Variants in KMT2B observed in about 807,000 individuals in gnomAD.
KMT2B encodes the protein lysine methyltransferase 2B.
In KMT2B, 22 loss-of-function variants were observed where a neutral mutation model predicts 255.3. That is an observed-to-expected ratio of 0.09 (90% confidence interval 0.06 to 0.12). The LOEUF is 0.12. Among genes scored for constraint, KMT2B ranks in the 10% least tolerant of loss-of-function variants. The pLI, the probability that KMT2B is intolerant of heterozygous loss-of-function variation, is 1.00. For missense variants in KMT2B, 3,149 were observed against 3,737.0 expected, an observed-to-expected ratio of 0.84 and a Z score of 4.10; for synonymous variants, 1,730 against 1,498.1, an observed-to-expected ratio of 1.15 and a Z score of -3.57.
intron 30 of KMT2B, among the ~76,000 whole-genome samples, chr19:35,734,783 G>A (rs1969854751): frequency 6.6e-6 from 1 of 152,184 alleles, no homozygotes; most frequent in Non-Finnish European, 1.5e-5. Context: ...TAAGCTGGTG[G>A]TCGAGCAGCC....
chr19:35,724,083 C>T, intron 8 of KMT2B, 76 bp downstream of exon 8: 7 of 1,383,758 alleles, frequency 5.1e-6, no homozygotes, highest in Non-Finnish European at 6.8e-6. Context: ...GACAAGGCAC[C>T]CAGACCCAGG....
rs1253999829 is a variant in KMT2B at position 35,733,464 on chromosome 19, G to A, written c.6915G>A (p.Glu2305=). Residue 2305 remains glutamate (E), a synonymous_variant, in exon 28 of 37, where the codon GAG becomes GAA. Transcript: ENST00000420124. The surrounding 1 kb of genome is among the most constrained non-coding windows in gnomAD (Gnocchi z 4.3). ...CCCCCCGGCTGGATGAAGATGGAGA[G>A]GCCTCAGAGGATACCCCTCAGGTTC... is the stretch of plus-strand genomic sequence containing the variant. The part of the protein sequence containing the change: ...YKAPRLDEDG[E]ASEDTPQVPG... 3.8e-6 allele frequency: 6 copies of A among 1,562,926 alleles called. No individual in the cohort carries two copies. Among genetic ancestry groups the A allele is most frequent in the Middle Eastern group, 1.7e-4 (1 of 6,008 alleles).
rs1969545521 is a variant in KMT2B at position 35,728,183 on chromosome 19, T to TG, written c.4571+15dup. The stretch of plus-strand genomic sequence containing the variant: ...ACCCGGCTGCCAAAGTGAGCAAGGC[T>TG]GGGTAGCAGAAGGGAAGCCGGGGAG... On this transcript the variant is annotated intron_variant, in intron 19 of 36. Transcript: ENST00000420124. 1.9e-6 allele frequency: 3 copies of TG among 1,578,982 alleles called. No individual in the cohort carries two copies. The highest frequency in any genetic ancestry group is 2.7e-5 in the African/African-American group (2 of 74,028).
intron 30 of KMT2B, chr19:35,736,180 G>C (rs959750976): frequency 6.5e-6 from 1 of 154,302 alleles, no homozygotes; most frequent in Non-Finnish European, 1.4e-5. Flanking sequence ...GAATCTGAGA[G>C]GCACAGGTTG....
rs916893109 is a variant in KMT2B at position 35,733,101 on chromosome 19, C to A, written c.6552C>A (p.Pro2184=). ...VLSLGPAPEP[P]KPATSKIILV... is the part of the protein sequence containing the mutation. ...GCCTTGGCCCTGCCCCTGAGCCCCCCAAACCCGCCACATCCAAAATCATAC... is the reference window on the plus strand; with the variant it reads ...GCCTTGGCCCTGCCCCTGAGCCCCCAAAACCCGCCACATCCAAAATCATAC... Residue 2184 remains proline (P), a synonymous_variant, in exon 28 of 37, where the codon CCC becomes CCA. Coordinates refer to ENST00000420124, the MANE Select transcript of KMT2B (RefSeq NM_014727.3). The surrounding 1 kb of genome is among the most constrained non-coding windows in gnomAD (Gnocchi z 4.3). 4 of 1,565,064 alleles carry A rather than the reference C, an allele frequency of 2.6e-6. No homozygotes were observed. In the East Asian group the frequency reaches 9.6e-5, roughly 37 times the overall value.
chr19:35,721,942 C>A, intron 3 of KMT2B, 138 bp downstream of exon 3: 1 of 1,206,040 alleles, frequency 8.3e-7, no homozygotes, highest in South Asian at 1.7e-5. Flanking sequence ...TGATCCCCCA[C>A]CTTCCTTTGT....
rs1055113734 is a variant in KMT2B at position 35,723,522 on chromosome 19, A to G, written c.3058+20A>G. The stretch of plus-strand genomic sequence containing the variant: ...AAAAAGGTGACGAGCTTTAAGGAGC[A>G]TTTCTTCTCAAAACCGTGTTAGAGT... On this transcript the variant is annotated intron_variant, in intron 7 of 36. Coordinates refer to ENST00000420124, the MANE Select transcript of KMT2B (RefSeq NM_014727.3). This position sits in a 1 kb window ranked among gnomAD's most constrained non-coding sequence, Gnocchi z 7.5. 5.8e-6 allele frequency: 9 copies of G among 1,555,788 alleles called. No individual in the cohort carries two copies. Among genetic ancestry groups the G allele is most frequent in the Admixed American group, 2.0e-5 (1 of 50,714 alleles).
rs368981212 is a variant in KMT2B, at chr19:35,732,770, C to T, written c.6221C>T (p.Ala2074Val). 3.7e-6 allele frequency: 6 copies of T among 1,608,796 alleles called. No homozygotes were observed. The African/African-American group carries it at 6.7e-5, about 18-fold the overall frequency. Residue 2074 changes from alanine (A) to valine (V), a missense_variant, in exon 28 of 37, where the codon GCG becomes GTG. Physicochemically the swap from Ala to Val is moderately conservative, Grantham distance 64 (BLOSUM62 0). Around this residue, in one of 18 missense-constraint regions of KMT2B, gnomAD observed 897 missense variants for 825.3 expected, o/e 1.09. Coordinates refer to ENST00000420124, the MANE Select transcript of KMT2B (RefSeq NM_014727.3). The stretch of plus-strand genomic sequence containing the variant: ...GACGGCACTGACAGTGAGGCTGAGG[C>T]GGTGCAGCAGCCTCGGGGCCAGGGC... ...VDDGTDSEAE[A>V]VQQPRGQGTP...
At position 35,737,301 on chromosome 19, in the gene KMT2B, C is replaced by T. The variant is rs899622217; in HGVS notation, c.7550+38C>T. The T allele has an allele frequency of 6.9e-7, 1 of 1,459,728 alleles. No homozygotes were observed. The highest frequency in any genetic ancestry group is 9.0e-7 in the Non-Finnish European group (1 of 1,106,934). 90.4% of individuals were successfully genotyped at this position (1,459,728 alleles called of 1,614,324 possible). A position where few individuals can be genotyped will look rare whatever the true frequency, so the allele number is the denominator to read the frequency against. ...GGGTGTGATGCCTGGGTCAGGGCGC[C>T]CCTATGAGAGCTCTTGAGGGTGGGA... On this transcript the variant is annotated intron_variant, in intron 33 of 36. Transcript: ENST00000420124. This position sits in a 1 kb window ranked among gnomAD's most constrained non-coding sequence, Gnocchi z 5.3.
Position 35,728,899 on chromosome 19 carries a change from A to G in KMT2B, c.4687+10A>G, listed in dbSNP as rs2293684. 2.2e-5 allele frequency: 35 copies of G among 1,613,052 alleles called. No homozygotes were observed. In the East Asian group the frequency reaches 7.4e-4, roughly 34 times the overall value. On this transcript the variant is annotated intron_variant, in intron 20 of 36. Transcript: ENST00000420124. ...GGGGATCCCTCAGCAGGTACTGGGA[A>G]GTGGGGGTCCAGAAGCCAGGGCCCT...
In KMT2B at chr19:35,731,506, A is replaced by G. The variant is rs548134418; in HGVS notation, c.5438-402A>G. Among the ~76,000 whole-genome samples the G allele has an allele frequency of 5.9e-5, 9 of 152,218 alleles. No individual in the cohort carries two copies. In the South Asian group the frequency reaches 1.9e-3, roughly 32 times the overall value. On this transcript the variant is annotated intron_variant, in intron 26 of 36. Coordinates refer to ENST00000420124, the MANE Select transcript of KMT2B (RefSeq NM_014727.3). ...GAGTTTTGGGTGGAGGAGGGAGATC[A>G]GTTTGCAGAGGTTGGGTGGAGCCAG...
Position 35,720,476 on chromosome 19 carries a change from G to A in KMT2B, c.1129G>A (p.Glu377Lys). 1 of 1,543,930 alleles carries A rather than the reference G, an allele frequency of 6.5e-7. No homozygotes were observed. Among genetic ancestry groups the A allele is most frequent in the East Asian group, 2.4e-5 (1 of 40,918 alleles). ...EKKEEEEKDK[E>K]GEEKEERAVA... The stretch of plus-strand genomic sequence containing the variant: ...GAAAGAAGAAGAAGAAAAAGACAAG[G>A]AGGGAGAAGAGAAGGAAGAAAGAGC... The change falls in exon 3 of 37, where the codon GAG becomes AAG. Residue 377 changes from glutamate (E) to lysine (K), a missense_variant. Coordinates refer to ENST00000420124, the MANE Select transcript of KMT2B (RefSeq NM_014727.3).
chr19:35,720,427 G>C lies in KMT2B; in HGVS notation c.1080G>C (p.Lys360Asn). The C allele has an allele frequency of 6.4e-7, 1 of 1,558,792 alleles. No homozygotes were observed. Among genetic ancestry groups the C allele is most frequent in the South Asian group, 1.2e-5 (1 of 84,694 alleles). Residue 360 changes from lysine to asparagine, a missense_variant, in exon 3 of 37, where the codon AAG becomes AAC. By Grantham distance (94) the Lys-to-Asn change is moderately conservative. Transcript: ENST00000420124. ...CTTGCTGGAAAAAGCAGGAACAGAA[G>C]CTGGATGACGAGGAAGAAGAGAAGA... ...GSPCWKKQEQKLDDEEEEKKE... is the reference protein window; with the variant it reads ...GSPCWKKQEQNLDDEEEEKKE...
In KMT2B at chr19:35,721,263, C is replaced by T. The variant is rs865886514; in HGVS notation, c.1916C>T (p.Thr639Ile). 1.8e-5 allele frequency: 27 copies of T among 1,535,116 alleles called. No homozygotes were observed. Among genetic ancestry groups the T allele is most frequent in the Non-Finnish European group, 2.3e-5 (26 of 1,142,096 alleles). ...PAPSPPPAPA[T>I]SSRRPLLLRA... ...CCCTCCCCACCCCCTGCTCCTGCCACCTCCTCCCGGAGGCCCCTACTCCTT... is the reference window on the plus strand; with the variant it reads ...CCCTCCCCACCCCCTGCTCCTGCCATCTCCTCCCGGAGGCCCCTACTCCTT... The change falls in exon 3 of 37, where the codon ACC becomes ATC. Residue 639 changes from threonine (T) to isoleucine (I), a missense_variant. Coordinates refer to ENST00000420124, the MANE Select transcript of KMT2B (RefSeq NM_014727.3).
Position 35,733,096 on chromosome 19 carries a change from C to T in KMT2B, c.6547C>T (p.Pro2183Ser), listed in dbSNP as rs765701408. Residue 2183 changes from proline to serine, a missense_variant, in exon 28 of 37, where the codon CCC becomes TCC. Transcript: ENST00000420124. The surrounding 1 kb of genome is among the most constrained non-coding windows in gnomAD (Gnocchi z 4.3). ...GTTAAGCCTTGGCCCTGCCCCTGAG[C>T]CCCCCAAACCCGCCACATCCAAAAT... ...RVLSLGPAPE[P>S]PKPATSKIIL... 4.5e-6 allele frequency: 7 copies of T among 1,566,576 alleles called. No individual in the cohort carries two copies. In the Admixed American group the frequency reaches 5.6e-5, roughly 13 times the overall value.
At position 35,727,073 on chromosome 19, in the gene KMT2B, G is replaced by A. The variant is rs967493541; in HGVS notation, c.4004-83G>A. 1.1e-6 allele frequency: 1 copy of A among 928,666 alleles called. No individual in the cohort carries two copies. The highest frequency in any genetic ancestry group is 1.7e-6 in the Non-Finnish European group (1 of 595,142). 57.5% of individuals were successfully genotyped at this position (928,666 alleles called of 1,614,324 possible). Reference sequence around the variant, plus strand: ...ACAGGGGCATAGTGGAGGCAGCTAAGGTACTGCTAATCCTTGAACAGAGAC... The same window carrying A: ...ACAGGGGCATAGTGGAGGCAGCTAAAGTACTGCTAATCCTTGAACAGAGAC... On this transcript the variant is annotated intron_variant, in intron 14 of 36. Transcript: ENST00000420124. This position sits in a 1 kb window ranked among gnomAD's most constrained non-coding sequence, Gnocchi z 4.2.
At position 35,733,946 on chromosome 19, in the gene KMT2B, G is replaced by A; in HGVS notation, c.7159+74G>A. 9.1e-7 allele frequency: 1 copy of A among 1,094,824 alleles called. No individual in the cohort carries two copies. Among genetic ancestry groups the A allele is most frequent in the East Asian group, 2.4e-5 (1 of 41,124 alleles). The allele number at this position is 1,094,824 out of a possible 1,614,324, so 67.8% of individuals were successfully genotyped here. On this transcript the variant is annotated intron_variant, in intron 30 of 36. Coordinates refer to ENST00000420124, the MANE Select transcript of KMT2B (RefSeq NM_014727.3). The surrounding 1 kb of genome is among the most constrained non-coding windows in gnomAD (Gnocchi z 4.3). ...TGGGTGACTCACAGATGCAAAATCAGCCCTCTTTCAAAACCAGTATCTACT... is the reference window on the plus strand; with the variant it reads ...TGGGTGACTCACAGATGCAAAATCAACCCTCTTTCAAAACCAGTATCTACT...
chr19:35,730,929 C>T (rs545493792), intron 26 of KMT2B, 62 bp downstream of exon 26: 6 of 1,475,508 alleles, frequency 4.1e-6, no homozygotes, highest in Middle Eastern at 4.9e-4. Context: ...CTACAGATCT[C>T]TGTTCCCCGC....
Position 35,720,381 on chromosome 19 carries a change from G to A in KMT2B, c.1034G>A (p.Gly345Glu), listed in dbSNP as rs768589633. The change falls in exon 3 of 37, where the codon GGA (glycine) becomes GAA (glutamate). Residue 345 changes from glycine to glutamate, a missense_variant. Gly to Glu is a moderately conservative substitution (Grantham distance 98). This residue lies in a region of KMT2B where 1,188 missense variants were observed against 1,106.4 expected (regional missense o/e 1.07). Coordinates refer to ENST00000420124, the MANE Select transcript of KMT2B (RefSeq NM_014727.3). ...CAGGATGTCCCCCAAAGAAGAGTTG[G>A]ATCTGGACAGGGAGGGAGCCCTTGC... ...SWQDVPQRRV[G>E]SGQGGSPCWK... 3.1e-6 allele frequency: 5 copies of A among 1,590,508 alleles called. No individual in the cohort carries two copies. The South Asian group carries it at 4.6e-5, about 15-fold the overall frequency.
Sources: gnomAD v4.1 joint callset for allele counts (sites outside exome capture counted in the v4.1 genomes callset) on GRCh38, gnomAD v4.1.1 for gene constraint, gnomAD v4.1.1 regional missense constraint, Gnocchi (gnomAD v3.1) non-coding constraint, MANE v1.5 for transcripts, NCBI Gene and HGNC (gene_info 2026-07-23, HGNC 2026-07-21) for gene names.